DAB1: variants seen among roughly 807,000 people sequenced by gnomAD.
DAB1 encodes disabled homolog 1.
A neutral mutation model predicts 64.6 loss-of-function variants in DAB1; 15 were observed. The ratio of observed to expected loss-of-function variants is 0.23; its 90% CI spans 0.16 to 0.36. DAB1 has a LOEUF of 0.36. DAB1 is among the 10% of genes least tolerant of loss of function. DAB1 has a pLI of 1.00. For synonymous variants in DAB1, 235 were observed against 251.9 expected (o/e 0.93, Z 0.64); for missense variants, 596 against 706.7 (o/e 0.84, Z 1.78).
intron 1 of DAB1, among the ~76,000 whole-genome samples, chr1:57,831,786 T>C: frequency 6.6e-6 from 1 of 152,064 alleles, no homozygotes; most frequent in East Asian, 1.9e-4. Context: ...CAAGTAATCC[T>C]TCAACCTCAG....
chr1:57,724,560 T>C (rs2101763809), intron 6 of DAB1, among the ~76,000 whole-genome samples: 1 of 152,158 alleles, frequency 6.6e-6, no homozygotes, highest in South Asian at 2.1e-4. Flanking sequence ...AATGAGTGAG[T>C]TTGGTAATTT....
chr1:58,432,013 A>C (rs570384574), intron 3 of DAB1, among the ~76,000 whole-genome samples: 5 of 152,246 alleles, frequency 3.3e-5, no homozygotes, highest in African/African-American at 1.2e-4. Flanking sequence ...CTCTGGAGCG[A>C]TGGGTTTGGA....
chr1:57,756,212 T>C (rs755146102), intron 6 of DAB1, among the ~76,000 whole-genome samples: 4 of 152,168 alleles, frequency 2.6e-5, no homozygotes, highest in Non-Finnish European at 5.9e-5. Context: ...CCAAATAACA[T>C]AATGACAGTC....
chr1:58,147,961 A>G (rs1654701977), intron 5 of DAB1, among the ~76,000 whole-genome samples: 1 of 144,722 alleles, frequency 6.9e-6, no homozygotes. Context: ...ATGATATTTT[A>G]CCAAGACATA....
intron 6 of DAB1, among the ~76,000 whole-genome samples, chr1:57,652,259 A>C (rs952132615): frequency 6.6e-6 from 1 of 152,290 alleles, no homozygotes; most frequent in Non-Finnish European, 1.5e-5. Flanking sequence ...CCTGGACCCA[A>C]CAACCATGCC....
At chr1:57,434,265 A>T (rs1263151669) in intron 7 of DAB1, among the ~76,000 whole-genome samples, 1 of 152,226 alleles carries the variant, frequency 6.6e-6, no homozygotes, top group Non-Finnish European at 1.5e-5. Flanking sequence ...TGGATACAAA[A>T]ATTGTACAAT....
intron 5 of DAB1, among the ~76,000 whole-genome samples, chr1:58,089,784 T>C (rs1018929911): frequency 6.6e-6 from 1 of 152,228 alleles, no homozygotes; most frequent in African/African-American, 2.4e-5. Context: ...CTCTACATAA[T>C]GGCCTCTTGT....
intron 7 of DAB1, among the ~76,000 whole-genome samples, chr1:57,492,389 G>A (rs1030505164): frequency 3.9e-5 from 6 of 152,128 alleles, no homozygotes; most frequent in African/African-American, 7.2e-5. Context: ...CAGGATTTGG[G>A]GTGGTGCTCT....
At chr1:57,343,537 C>A (rs1481170010) in intron 1 of DAB1, among the ~76,000 whole-genome samples, 2 of 152,208 alleles carry the variant, frequency 1.3e-5, no homozygotes, top group Non-Finnish European at 2.9e-5. Context: ...CGCACAAGAG[C>A]CCACGGAGGT....
chr1:57,782,767 A>G (rs1009121453), intron 6 of DAB1, among the ~76,000 whole-genome samples: 2 of 152,176 alleles, frequency 1.3e-5, no homozygotes, highest in South Asian at 2.1e-4. Context: ...TTGTCGCTCA[A>G]TATCAACAGC....
At chr1:57,991,864 A>AAAAAAC (rs1557599947) in intron 5 of DAB1, among the ~76,000 whole-genome samples, 7 of 149,874 alleles carry the variant, frequency 4.7e-5, no homozygotes, top group African/African-American at 1.5e-4. Flanking sequence ...AAAAAAAAAA[A>AAAAAAC]AAAAAGGAGT....
chr1:57,455,684 C>T (rs1369355108), intron 7 of DAB1, among the ~76,000 whole-genome samples: 4 of 152,040 alleles, frequency 2.6e-5, no homozygotes, highest in Non-Finnish European at 5.9e-5. Context: ...CCCAAGGTGC[C>T]GTAGCCAGCT....
At chr1:58,354,202 G>A (rs1335472294) in intron 3 of DAB1, among the ~76,000 whole-genome samples, 1 of 152,064 alleles carries the variant, frequency 6.6e-6, no homozygotes, top group Admixed American at 6.6e-5. Flanking sequence ...TTTCTTCCTT[G>A]TTGTTTTTTT....
intron 1 of DAB1, chr1:58,542,509 T>A (rs1423678311): frequency 6.6e-6 from 1 of 152,088 alleles, no homozygotes; most frequent in Non-Finnish European, 1.5e-5. Context: ...AAGACATCCA[T>A]GAGTAGCTGA....
intron 5 of DAB1, among the ~76,000 whole-genome samples, chr1:58,083,165 G>A (rs970313410): frequency 3.9e-5 from 6 of 152,052 alleles, no homozygotes; most frequent in Non-Finnish European, 5.9e-5. Context: ...ATAAAGGCAC[G>A]TCAGCTGATC....
intron 7 of DAB1, among the ~76,000 whole-genome samples, chr1:57,492,723 C>A (rs892267154): frequency 1.3e-5 from 2 of 152,158 alleles, no homozygotes; most frequent in Non-Finnish European, 2.9e-5. Flanking sequence ...GGGCAAGTCG[C>A]TTTAACTCTC....
chr1:57,665,849 C>CTGTGTGTGTGTGTGTGTGTG, intron 6 of DAB1, among the ~76,000 whole-genome samples: 1 of 137,174 alleles, frequency 7.3e-6, no homozygotes, highest in Non-Finnish European at 1.6e-5. Context: ...TTTTAATTAT[C>CTGTGTGTGTGTGTGTGTGTG]TGTGTGTGTG....
intron 3 of DAB1, among the ~76,000 whole-genome samples, chr1:57,139,338 C>A (rs1658386387): frequency 6.6e-6 from 1 of 152,166 alleles, no homozygotes; most frequent in South Asian, 2.1e-4. Context: ...CAGTAACAGG[C>A]ACCATCTTGG....
intron 3 of DAB1, among the ~76,000 whole-genome samples, chr1:58,495,009 G>T (rs1045824090): frequency 1.6e-4 from 25 of 152,106 alleles, no homozygotes; most frequent in Non-Finnish European, 1.0e-4. Context: ...GCAAAGACTT[G>T]GAACCAACCC....
Sources: gnomAD v4.1 joint callset for allele counts (sites outside exome capture counted in the v4.1 genomes callset) on GRCh38, gnomAD v4.1.1 for gene constraint, MANE v1.5 for transcripts, NCBI Gene and HGNC (gene_info 2026-07-23, HGNC 2026-07-21) for gene names.